SLC12A7: variants seen among roughly 807,000 people sequenced by gnomAD.
The protein encoded by SLC12A7 is solute carrier family 12 member 7.
SLC12A7 carries 100 observed loss-of-function variants against 120.6 expected under a neutral mutation model. That is an observed-to-expected ratio of 0.83 (90% CI 0.71 to 0.98). The LOEUF (loss-of-function observed/expected upper bound fraction) is 0.98, where lower values mean the gene tolerates loss of function less well. Ranked by LOEUF, SLC12A7 falls within the 50% of genes least tolerant of loss-of-function variation. The pLI is 0.00. For missense variants in SLC12A7, 1,373 were observed against 1,548.1 expected (o/e 0.89, Z 1.90); for synonymous variants, 760 against 678.0 (o/e 1.12, Z -1.88).
chr5:1,142,327 T>TCCCCTCTCCCCTCC, the SLC12A7 span, among the ~76,000 whole-genome samples: 1 of 59,568 alleles, frequency 1.7e-5, no homozygotes, highest in African/African-American at 1.0e-4. Flanking sequence ...CTCTCCCCTC[T>TCCCCTCTCCCCTCC]CTCCTCTCCC....
Position 1,077,880 on chromosome 5 carries a change from G to A in SLC12A7, c.1582C>T (p.Arg528Cys), listed in dbSNP as rs1437541779. 6.9e-6 allele frequency: 11 copies of A among 1,598,336 alleles called. No individual in the cohort carries two copies. Among genetic ancestry groups the A allele is most frequent in the Non-Finnish European group, 7.7e-6 (9 of 1,173,240 alleles). ...TCACGGGCAATGGCCTGCAGTAGGC[G>A]CGGTGCCCCCGTGAGGCTCTGCAGG... ...AGLQSLTGAPRLLQAIARDGI... is the reference protein window; with the variant it reads ...AGLQSLTGAPCLLQAIARDGI... The change falls in exon 12 of 24, where the codon CGC (arginine) becomes TGC (cysteine). Residue 528 changes from arginine to cysteine, a missense_variant. Arg to Cys is a radical substitution (Grantham distance 180, BLOSUM62 -3). Coordinates refer to ENST00000264930, the MANE Select transcript of SLC12A7 (RefSeq NM_006598.3).
chr5:1,075,272 GCCCC>G, intron 15 of SLC12A7, 95 bp downstream of exon 15: 1 of 1,490,218 alleles, frequency 6.7e-7, no homozygotes, highest in Non-Finnish European at 9.0e-7. Context: ...CGACGCTCAA[GCCCC>G]AGGGAGGCCC....
At chr5:1,054,132 C>G (rs1005977152) in intron 22 of SLC12A7, among the ~76,000 whole-genome samples, 26 of 152,274 alleles carry the variant, frequency 1.7e-4, no homozygotes, top group Admixed American at 1.6e-3. Context: ...GTGGCCACTA[C>G]TGGGTCCCCT....
chr5:1,148,102 G>A, the SLC12A7 span, among the ~76,000 whole-genome samples: 1 of 152,012 alleles, frequency 6.6e-6, no homozygotes, highest in Admixed American at 6.5e-5. Context: ...AGGCCCTCCT[G>A]AAGCTGTTTT....
In SLC12A7 at chr5:1,076,705, C is replaced by T. The variant is rs753507295; in HGVS notation, c.1737G>A (p.Pro579=). The part of the protein sequence containing the change: ...ILIASLDSVA[P]ILSMFFLMCY... ...CTGTGGGGGCTCACATGGAGAGGATCGGGGCCACGCTGTCCAGAGAGGCGA... is the reference window on the plus strand; with the variant it reads ...CTGTGGGGGCTCACATGGAGAGGATTGGGGCCACGCTGTCCAGAGAGGCGA... Residue 579 remains proline (P), a synonymous_variant, in exon 13 of 24, where the codon CCG becomes CCA. Transcript: ENST00000264930. 3.9e-5 allele frequency: 62 copies of T among 1,610,336 alleles called. No individual in the cohort carries two copies. Among genetic ancestry groups the T allele is most frequent in the Non-Finnish European group, 4.7e-5 (55 of 1,179,482 alleles).
the SLC12A7 span, among the ~76,000 whole-genome samples, chr5:1,148,363 C>T: frequency 3.3e-5 from 5 of 151,974 alleles, no homozygotes; most frequent in Admixed American, 1.3e-4. Flanking sequence ...CCCACCACCA[C>T]GCCCGGCTAA....
In SLC12A7 at chr5:1,093,572, C is replaced by T; in HGVS notation, c.303G>A (p.Glu101=). The T allele has an allele frequency of 3.7e-6, 6 of 1,609,528 alleles. No individual in the cohort carries two copies. The highest frequency in any genetic ancestry group is 4.2e-6 in the Non-Finnish European group (5 of 1,178,624). Residue 101 remains glutamate, a synonymous_variant, in exon 3 of 24, where the codon GAG becomes GAA. Transcript: ENST00000264930. ...GCCGGCTCTCCTCGTCCTCCTCGTG[C>T]TCCACCACGCCCTGGCTCAGGTTGG... ...NYTNLSQGVV[E]HEEDEESRRR...
chr5:1,117,658 AC>A, the SLC12A7 span, among the ~76,000 whole-genome samples: 1 of 152,054 alleles, frequency 6.6e-6, no homozygotes, highest in Non-Finnish European at 1.5e-5. The surrounding 1 kb of genome is among the most constrained non-coding windows in gnomAD (Gnocchi z 4.5). Flanking sequence ...TGATCTTGTG[AC>A]CCCCACCAGG....
At chr5:1,087,451 A>G (rs1012441395) in intron 5 of SLC12A7, among the ~76,000 whole-genome samples, 2 of 152,256 alleles carry the variant, frequency 1.3e-5, no homozygotes, top group Non-Finnish European at 2.9e-5. Context: ...GCACGCTATC[A>G]CTGGCGGGAA....
the SLC12A7 span, among the ~76,000 whole-genome samples, chr5:1,145,230 G>A: frequency 6.6e-6 from 1 of 152,276 alleles, no homozygotes; most frequent in Non-Finnish European, 1.5e-5. The surrounding 1 kb of genome is among the most constrained non-coding windows in gnomAD (Gnocchi z 4.4). Context: ...GGCAGGGGCC[G>A]CTGCCAGTGG....
At position 1,095,073 on chromosome 5, in the gene SLC12A7, C is replaced by A. The variant is rs112034864; in HGVS notation, c.125-825G>T. Among the ~76,000 whole-genome samples, 254 of 136,964 alleles carry A rather than the reference C, an allele frequency of 1.9e-3. 3 individuals are homozygous for A. The highest frequency in any genetic ancestry group is 3.6e-3 in the Middle Eastern group (1 of 278). 89.9% of individuals were successfully genotyped at this position (136,964 alleles called of 152,430 possible). A position where few individuals can be genotyped will look rare whatever the true frequency, so the allele number is the denominator to read the frequency against. ...GGCGGGGCCGGTAGGAGGTGGGGCCCGTAGGAGGTGGTGAGGTGTGGAAGG... is the reference window on the plus strand; with the variant it reads ...GGCGGGGCCGGTAGGAGGTGGGGCCAGTAGGAGGTGGTGAGGTGTGGAAGG... On this transcript the variant is annotated intron_variant, in intron 1 of 23. Transcript: ENST00000264930.
In SLC12A7 at chr5:1,093,708, C is replaced by A. The variant is rs1356783908; in HGVS notation, c.220-53G>T. ...GGCCCGCACCTCGCCGTGGGCCCCCCGACCTCCCTCCCCGTGTTCAGGGTG... is the reference window on the plus strand; with the variant it reads ...GGCCCGCACCTCGCCGTGGGCCCCCAGACCTCCCTCCCCGTGTTCAGGGTG... On this transcript the variant is annotated intron_variant, in intron 2 of 23. Transcript: ENST00000264930. 4.4e-6 allele frequency: 7 copies of A among 1,602,774 alleles called. No individual in the cohort carries two copies. In the East Asian group the frequency reaches 6.7e-5, roughly 15 times the overall value.
At chr5:1,062,556 C>G (rs1025573214) in intron 20 of SLC12A7, among the ~76,000 whole-genome samples, 1 of 152,310 alleles carries the variant, frequency 6.6e-6, no homozygotes, top group African/African-American at 2.4e-5. Flanking sequence ...CTGAGTTCCA[C>G]GGGAACTGAC....
intron 7 of SLC12A7, among the ~76,000 whole-genome samples, chr5:1,084,523 G>A (rs375930962): frequency 7.9e-5 from 12 of 152,282 alleles, no homozygotes; most frequent in African/African-American, 2.6e-4. Context: ...GTATAAGCCA[G>A]GCCTGTACGT....
chr5:1,109,011 C>T (rs138395556), intron 1 of SLC12A7, among the ~76,000 whole-genome samples: 129 of 152,332 alleles, frequency 8.5e-4, no homozygotes, highest in Non-Finnish European at 1.4e-3. Flanking sequence ...AAGAAGCTCC[C>T]GGCAAACCTG....
At chr5:1,141,081 G>A in the SLC12A7 span, among the ~76,000 whole-genome samples, 10 of 152,296 alleles carry the variant, frequency 6.6e-5, no homozygotes, top group Admixed American at 6.5e-5. Context: ...TCGAAGCCTC[G>A]GGCCTGAAGT....
chr5:1,111,573 G>C (rs117229814), intron 1 of SLC12A7, among the ~76,000 whole-genome samples: 4,191 of 152,228 alleles, frequency 0.028, 138 homozygotes, highest in East Asian at 0.13. Flanking sequence ...CCCTCCGGAG[G>C]CGCGCTCCAG....
chr5:1,151,372 C>T, the SLC12A7 span, among the ~76,000 whole-genome samples: 11 of 152,330 alleles, frequency 7.2e-5, no homozygotes, highest in African/African-American at 2.2e-4. The surrounding 1 kb of genome is among the most constrained non-coding windows in gnomAD (Gnocchi z 6.2). Context: ...CAGTGGGCGC[C>T]GTTGCTAAGC....
chr5:1,100,823 C>G (rs1037738832), intron 1 of SLC12A7, among the ~76,000 whole-genome samples: 3 of 152,252 alleles, frequency 2.0e-5, no homozygotes, highest in Non-Finnish European at 2.9e-5. Flanking sequence ...GAAACCGTCA[C>G]AGCCAAGAGG....
Sources: allele counts gnomAD v4.1 joint callset (sites outside exome capture counted in the v4.1 genomes callset), GRCh38; gene constraint gnomAD v4.1.1; non-coding constraint Gnocchi (gnomAD v3.1); transcripts MANE v1.5; gene names NCBI Gene and HGNC (gene_info 2026-07-23, HGNC 2026-07-21).